Variants in GALK2 observed in about 807,000 individuals in gnomAD.
The protein encoded by GALK2 is N-acetylgalactosamine kinase.
In GALK2, 36 loss-of-function variants were observed where a neutral mutation model predicts 52.4. The observed-to-expected ratio is 0.69, with a 90% CI of 0.53 to 0.91. The LOEUF (loss-of-function observed/expected upper bound fraction) is 0.91. Ranked by LOEUF, GALK2 falls within the 40% of genes least tolerant of loss-of-function variation. The pLI, the probability that GALK2 is intolerant of heterozygous loss-of-function variation, is 0.00. For synonymous variants in GALK2, 176 were observed against 199.1 expected (o/e 0.88, Z 0.98); for missense variants, 579 against 559.1 (o/e 1.04, Z -0.36).
chr15:49,196,605 A>G (rs572230564), intron 1 of GALK2, among the ~76,000 whole-genome samples: 1 of 152,308 alleles, frequency 6.6e-6, no homozygotes, highest in East Asian at 1.9e-4. Context: ...AATGTTTGAT[A>G]TATGTATACA....
chr15:49,189,547 A>C (rs1474564522), intron 1 of GALK2, among the ~76,000 whole-genome samples: 7 of 152,168 alleles, frequency 4.6e-5, no homozygotes, highest in African/African-American at 1.7e-4. Context: ...GCAAGAGATT[A>C]ACAATAATAA....
intron 5 of GALK2, among the ~76,000 whole-genome samples, chr15:49,247,157 C>G (rs982013758): frequency 2.0e-5 from 3 of 151,874 alleles, no homozygotes; most frequent in African/African-American, 7.3e-5. Context: ...GTGCAAAAGC[C>G]CTAAGGTGAA....
intron 3 of GALK2, among the ~76,000 whole-genome samples, chr15:49,339,854 G>A (rs1036518490): frequency 6.6e-6 from 1 of 152,128 alleles, no homozygotes; most frequent in Admixed American, 6.5e-5. Flanking sequence ...AGGCAGCAGC[G>A]GCCTTGCTGA....
chr15:49,215,182 T>C (rs80032248), intron 2 of GALK2, among the ~76,000 whole-genome samples: 1 of 152,182 alleles, frequency 6.6e-6, no homozygotes, highest in African/African-American at 2.4e-5. Context: ...GAGAGTTTGA[T>C]TAATATATTA....
At chr15:49,182,920 T>A (rs1478185324) in intron 1 of GALK2, among the ~76,000 whole-genome samples, 3 of 152,198 alleles carry the variant, frequency 2.0e-5, no homozygotes, top group African/African-American at 7.2e-5. Context: ...ATATTTTTTC[T>A]CATTCTGTAG....
rs2045116305 is a variant in GALK2, at chr15:49,366,015, A to C, written c.427-1476A>C. 5.0e-6 allele frequency: 4 copies of C among 802,738 alleles called. No homozygotes were observed. In the Admixed American group the frequency reaches 6.8e-5, roughly 14 times the overall value. The allele number at this position is 802,738 out of a possible 1,614,324, so 49.7% of individuals were successfully genotyped here. On this transcript the variant is annotated intron_variant, in intron 3 of 3. Coordinates refer to the GALK2 transcript ENST00000558399. ...CACAGTAGATGACTACAAATATTAC[A>C]ACTGTAAGAGGACTAAAAGTTAGAT... is the stretch of plus-strand genomic sequence containing the variant.
At chr15:49,318,935 G>A (rs1476336078) in intron 8 of GALK2, 1 of 452,840 alleles carries the variant, frequency 2.2e-6, no homozygotes, top group Admixed American at 2.4e-5. Context: ...ACTTTATGAG[G>A]TAGTACTTTT....
chr15:49,279,001 A>G (rs1039637836), intron 5 of GALK2, among the ~76,000 whole-genome samples: 4 of 152,224 alleles, frequency 2.6e-5, no homozygotes, highest in African/African-American at 9.6e-5. Context: ...TTATAAAATC[A>G]TCAGATCTCC....
chr15:49,356,345 T>C (rs968746211), intron 3 of GALK2, among the ~76,000 whole-genome samples: 100 of 150,222 alleles, frequency 6.7e-4, no homozygotes, highest in African/African-American at 2.2e-3. Context: ...ACCCATCTCA[T>C]GTGCAGAGAC....
chr15:49,214,063 T>C (rs1017122304), intron 2 of GALK2, among the ~76,000 whole-genome samples: 2 of 152,050 alleles, frequency 1.3e-5, no homozygotes, highest in Non-Finnish European at 2.9e-5. Context: ...GAGCGTGCAG[T>C]GAGCTGAGAT....
chr15:49,299,766 T>TCTTTC (rs2034905952), intron 8 of GALK2, among the ~76,000 whole-genome samples: 5 of 142,912 alleles, frequency 3.5e-5, no homozygotes, highest in African/African-American at 5.4e-5. Context: ...TTTCTTTCTT[T>TCTTTC]CTTTCTTTCT....
chr15:49,173,978 A>G (rs1357957942), intron 1 of GALK2, among the ~76,000 whole-genome samples: 2 of 151,988 alleles, frequency 1.3e-5, no homozygotes, highest in East Asian at 1.9e-4. Flanking sequence ...CCTGACCTCA[A>G]GTGATCCACC....
At chr15:49,311,661 A>G (rs1246689880) in intron 8 of GALK2, among the ~76,000 whole-genome samples, 3 of 152,176 alleles carry the variant, frequency 2.0e-5, no homozygotes, top group African/African-American at 7.2e-5. Context: ...TTACTGTGCT[A>G]TATCCTCTTG....
intron 7 of GALK2, 41 bp from the exon 8 acceptor site, chr15:49,292,286 T>G: frequency 6.4e-7 from 1 of 1,565,072 alleles, no homozygotes; most frequent in South Asian, 1.1e-5. Flanking sequence ...CACATCAAAT[T>G]CTGAATCAAA....
At position 49,235,863 on chromosome 15, in the gene GALK2, T is replaced by G. The variant is rs2090772977; in HGVS notation, c.279T>G (p.Thr93=). Residue 93 remains threonine (T), a synonymous_variant, in exon 4 of 10, where the codon ACT becomes ACG. Coordinates refer to ENST00000560031, the MANE Select transcript of GALK2 (RefSeq NM_002044.4). ...NTNPLYPDFS[T]SANNIQIDKT... ...TTTGTCTTCGCAGGGACTTCAGTAC[T>G]AGTGCTAATAACATCCAGATTGATA... 6.2e-7 allele frequency: 1 copy of G among 1,611,666 alleles called. No individual in the cohort carries two copies. Among genetic ancestry groups the G allele is most frequent in the Admixed American group, 1.7e-5 (1 of 60,000 alleles).
In GALK2 at chr15:49,319,611, C is replaced by T; in HGVS notation, c.975C>T (p.Ile325=). The T allele has an allele frequency of 6.2e-7, 1 of 1,614,158 alleles. No individual in the cohort carries two copies. The highest frequency in any genetic ancestry group is 8.5e-7 in the Non-Finnish European group (1 of 1,180,010). ...ATCCTCTTCCTTCCTCAGTGCTCAT[C>T]TTCAAACTCTATCAGCGGGCAAAGC... is the stretch of plus-strand genomic sequence containing the variant. ...ILSPNTQDVL[I]FKLYQRAKHV... is the part of the protein sequence containing the mutation. The change falls in exon 9 of 10, where the codon ATC becomes ATT. Residue 325 remains isoleucine (I), a synonymous_variant. Transcript: ENST00000560031.
At chr15:49,192,714 A>G (rs2086862238) in intron 1 of GALK2, among the ~76,000 whole-genome samples, 2 of 151,736 alleles carry the variant, frequency 1.3e-5, no homozygotes, top group Admixed American at 6.6e-5. Context: ...ATGCATTGTT[A>G]CTTTTTAATT....
intron 1 of GALK2, among the ~76,000 whole-genome samples, chr15:49,162,949 A>G (rs1462901173): frequency 6.6e-6 from 1 of 152,254 alleles, no homozygotes; most frequent in African/African-American, 2.4e-5. Flanking sequence ...TTATACTACT[A>G]CATTTGTAGT....
intron 5 of GALK2, among the ~76,000 whole-genome samples, chr15:49,261,547 A>C (rs2092447663): frequency 6.6e-6 from 1 of 152,152 alleles, no homozygotes; most frequent in South Asian, 2.1e-4. Context: ...TTCCTGATTG[A>C]ATACCCTTTA....
Sources: gnomAD v4.1 joint callset for allele counts (sites outside exome capture counted in the v4.1 genomes callset) on GRCh38, gnomAD v4.1.1 for gene constraint, MANE v1.5 for transcripts, NCBI Gene and HGNC (gene_info 2026-07-23, HGNC 2026-07-21) for gene names.